RTEL1: variants seen among roughly 807,000 people sequenced by gnomAD.
The protein encoded by RTEL1 is regulator of telomere length.
Under a neutral mutation model 162.2 loss-of-function variants are expected in RTEL1, and 86 were observed. That is an observed-to-expected ratio of 0.53 (90% CI 0.45 to 0.63). RTEL1 has a LOEUF of 0.63. Among genes scored for constraint, RTEL1 ranks in the 30% least tolerant of loss-of-function variants. The probability of loss-of-function intolerance (pLI) is 0.00; values close to 1 mark genes in which losing one functional copy is unlikely to be tolerated. For synonymous variants in RTEL1, 958 were observed against 717.9 expected, an observed-to-expected ratio of 1.33 and a Z score of -5.35; for missense variants, 1,941 against 1,750.2, an observed-to-expected ratio of 1.11 and a Z score of -1.95.
Position 63,695,849 on chromosome 20 carries a change from G to A in RTEL1, c.3894G>A (p.Glu1298=), listed in dbSNP as rs1267242039. Residue 1298 remains glutamate (E), a synonymous_variant, in exon 35 of 35, where the codon GAG becomes GAA. Transcript: ENST00000360203. The stretch of plus-strand genomic sequence containing the variant: ...GCGTCATGCAGGTCTTCTGGCCAGA[G>A]CCCCAGTGAGTGCCCACGGAGGCCC... ...KQSVMQVFWP[E]PQ 6.3e-7 allele frequency: 1 copy of A among 1,589,788 alleles called. No individual in the cohort carries two copies. The highest frequency in any genetic ancestry group is 8.5e-7 in the Non-Finnish European group (1 of 1,169,718).
Position 63,690,808 on chromosome 20 carries a change from C to T in RTEL1, c.2417C>T (p.Ser806Leu). Residue 806 changes from serine (S) to leucine (L), a missense_variant, in exon 27 of 35, where the codon TCA (serine) becomes TTA (leucine). By Grantham distance (145) the Ser-to-Leu change is moderately radical. Transcript: ENST00000360203. ...VPSLKQRSSG[S>L]PAAGDPESSL... ...GCGCACTCGGGTGCCCCTGCAGGGT[C>T]ACCAGCTGCCGGGGACCCCGAGAGT... The T allele has an allele frequency of 6.2e-7, 1 of 1,602,746 alleles. No individual in the cohort carries two copies. Among genetic ancestry groups the T allele is most frequent in the Non-Finnish European group, 8.5e-7 (1 of 1,176,662 alleles).
intron 14 of RTEL1, among the ~76,000 whole-genome samples, chr20:63,684,976 C>T (rs2090558288): frequency 6.6e-6 from 1 of 151,488 alleles, no homozygotes; most frequent in South Asian, 2.1e-4. Flanking sequence ...CTCCTGGGCT[C>T]AGGGGATCCT....
chr20:63,658,812 T>C (rs2146139399), intron 1 of RTEL1: 1 of 157,640 alleles, frequency 6.3e-6, no homozygotes, highest in African/African-American at 2.4e-5. Flanking sequence ...TTCGCTACTT[T>C]GGCTGCATCT....
At position 63,661,224 on chromosome 20, in the gene RTEL1, CT is replaced by C. The variant is rs1386766780; in HGVS notation, c.103-72del. On this transcript the variant is annotated intron_variant, in intron 2 of 34. Coordinates refer to ENST00000360203, the MANE Select transcript of RTEL1 (RefSeq NM_001283009.2). This position sits in a 1 kb window ranked among gnomAD's most constrained non-coding sequence, Gnocchi z 5.1. Reference sequence around the variant, plus strand: ...AAGAGCTGCCCGCTGGCTGCCGAAGCTTGTCTCAGGGCAGCTTGTGTGGCCT... The same window carrying C: ...AAGAGCTGCCCGCTGGCTGCCGAAGCTGTCTCAGGGCAGCTTGTGTGGCCT... 2.8e-6 allele frequency: 4 copies of C among 1,423,062 alleles called. No homozygotes were observed. In the African/African-American group the frequency reaches 5.6e-5, roughly 20 times the overall value. 88.2% of individuals were successfully genotyped at this position (1,423,062 alleles called of 1,614,324 possible). A position where few individuals can be genotyped will look rare whatever the true frequency, so the allele number is the denominator to read the frequency against.
intron 6 of RTEL1, among the ~76,000 whole-genome samples, chr20:63,663,275 C>T: frequency 6.6e-6 from 1 of 152,212 alleles, no homozygotes; most frequent in East Asian, 1.9e-4. Flanking sequence ...CAGTGACCGG[C>T]CCTCATACCA....
Position 63,688,304 on chromosome 20 carries a change from A to G in RTEL1, c.1640A>G (p.Asn547Ser). Residue 547 changes from asparagine (N) to serine (S), a missense_variant, in exon 20 of 35, where the codon AAC (asparagine) becomes AGC (serine). Physicochemically the swap from Asn to Ser is conservative, Grantham distance 46. Coordinates refer to ENST00000360203, the MANE Select transcript of RTEL1 (RefSeq NM_001283009.2). ...ACCCCGGCCCCTGCACTTCCAGGCAACATCGCCCGCGTGGTGCCCTATGGG... is the reference window on the plus strand; with the variant it reads ...ACCCCGGCCCCTGCACTTCCAGGCAGCATCGCCCGCGTGGTGCCCTATGGG... ...CLSSLGKALG[N>S]IARVVPYGLL... is the part of the protein sequence containing the mutation. 1 of 1,612,242 alleles carries G rather than the reference A, an allele frequency of 6.2e-7. No individual in the cohort carries two copies. Among genetic ancestry groups the G allele is most frequent in the Non-Finnish European group, 8.5e-7 (1 of 1,179,920 alleles).
rs893203916 is a variant in RTEL1 at position 63,658,329 on chromosome 20, A to C, written c.-308A>C. On this transcript the variant is annotated 5_prime_UTR_variant, in exon 1 of 35. Transcript: ENST00000360203. ...TGGGGGGCGGAAGTGCAGTGGGCTC[A>C]GCGCCGACTGCGCGCCTCTGCCCGC... The C allele has an allele frequency of 2.0e-5, 3 of 152,400 alleles. No individual in the cohort carries two copies. Among genetic ancestry groups the C allele is most frequent in the Admixed American group, 6.5e-5 (1 of 15,286 alleles). The allele number at this position is 152,400 out of a possible 1,614,324, so 9.4% of individuals were successfully genotyped here.
chr20:63,692,360 C>T (rs577249094), intron 28 of RTEL1: 26 of 227,608 alleles, frequency 1.1e-4, no homozygotes, highest in East Asian at 2.3e-4. Context: ...GTGCCTGGGC[C>T]GCCCCTGCCT....
At chr20:63,694,255 T>C (rs2090906698) in intron 30 of RTEL1, 117 bp from the exon 31 acceptor site, 1 of 878,774 alleles carries the variant, frequency 1.1e-6, no homozygotes, top group African/African-American at 1.6e-5. Context: ...GCCTGGGTTT[T>C]CCCGCCCTGG....
At position 63,690,080 on chromosome 20, in the gene RTEL1, C is replaced by G. The variant is rs879582201; in HGVS notation, c.2142-7C>G. ...GGCAGGGCAGCAGGGCTATGGCCAC[C>G]CCCCAGGTTCGCCTTTGCCGACGCA... On this transcript the variant is annotated splice_polypyrimidine_tract_variant and splice_region_variant and intron_variant, in intron 24 of 34. Transcript: ENST00000360203. 1.3e-5 allele frequency: 21 copies of G among 1,609,814 alleles called. No homozygotes were observed. The highest frequency in any genetic ancestry group is 1.8e-5 in the Non-Finnish European group (21 of 1,179,450).
At chr20:63,677,184 C>G (rs1172662865) in intron 10 of RTEL1, among the ~76,000 whole-genome samples, 1 of 152,238 alleles carries the variant, frequency 6.6e-6, no homozygotes, top group Non-Finnish European at 1.5e-5. Flanking sequence ...GCCCTGCTTT[C>G]TTTTCCTGCA....
At position 63,689,785 on chromosome 20, in the gene RTEL1, G is replaced by A. The variant is rs201842671; in HGVS notation, c.2061G>A (p.Ala687=). 4.3e-5 allele frequency: 70 copies of A among 1,612,170 alleles called. No homozygotes were observed. The East Asian group carries it at 4.7e-4, about 11-fold the overall frequency. ...GGCAGGAGTGGTACCGGCAGCAGGC[G>A]TCCAGGGCTGTGAACCAGGCCATCG... ...LSGQEWYRQQ[A]SRAVNQAIGR... is the part of the protein sequence containing the mutation. Residue 687 remains alanine (A), a synonymous_variant, in exon 24 of 35, where the codon GCG becomes GCA. Coordinates refer to ENST00000360203, the MANE Select transcript of RTEL1 (RefSeq NM_001283009.2).
Position 63,663,124 on chromosome 20 carries a change from C to T in RTEL1, c.538+235C>T, listed in dbSNP as rs2090053881. Reference sequence around the variant, plus strand: ...GACTGCCTCTGGCTGGTGCCTGGGGCCTTGGATTTTGGGAAGGCTCCCTCC... The same window carrying T: ...GACTGCCTCTGGCTGGTGCCTGGGGTCTTGGATTTTGGGAAGGCTCCCTCC... On this transcript the variant is annotated intron_variant, in intron 6 of 34. Transcript: ENST00000360203. 1.2e-5 allele frequency: 7 copies of T among 586,998 alleles called. No homozygotes were observed. The South Asian group carries it at 1.4e-4, about 12-fold the overall frequency. 36.4% of individuals were successfully genotyped at this position (586,998 alleles called of 1,614,324 possible). A position where few individuals can be genotyped will look rare whatever the true frequency, so the allele number is the denominator to read the frequency against.
chr20:63,678,755 C>T lies in RTEL1; in HGVS notation c.1037+409C>T, dbSNP rs1404520931. Among the ~76,000 whole-genome samples the T allele has an allele frequency of 1.5e-5, 2 of 132,500 alleles. 1 individual carries two copies. The highest frequency in any genetic ancestry group is 3.2e-5 in the Non-Finnish European group (2 of 63,112). The allele number at this position is 132,500 out of a possible 152,430, so 86.9% of individuals were successfully genotyped here. On this transcript the variant is annotated intron_variant, in intron 12 of 34. Transcript: ENST00000360203. ...CGGAACGGCACACACTCCCACGGAACGGCACACTCTCCCACGGAACAGCAC... is the reference window on the plus strand; with the variant it reads ...CGGAACGGCACACACTCCCACGGAATGGCACACTCTCCCACGGAACAGCAC...
At chr20:63,659,705 C>T (rs1377161324) in intron 2 of RTEL1, among the ~76,000 whole-genome samples, 1 of 152,190 alleles carries the variant, frequency 6.6e-6, no homozygotes, top group Non-Finnish European at 1.5e-5. Flanking sequence ...GGGGCCGGCC[C>T]CTCCACACCT....
chr20:63,684,565 G>T (rs2090549196), intron 14 of RTEL1, among the ~76,000 whole-genome samples: 1 of 152,030 alleles, frequency 6.6e-6, no homozygotes, highest in South Asian at 2.1e-4. Flanking sequence ...GTGTTAGCCA[G>T]GATGGTCTCG....
In RTEL1 at chr20:63,689,667, G is replaced by C; in HGVS notation, c.2025+19G>C. The C allele has an allele frequency of 6.2e-7, 1 of 1,609,410 alleles. No homozygotes were observed. Among genetic ancestry groups the C allele is most frequent in the Non-Finnish European group, 8.5e-7 (1 of 1,177,914 alleles). ...GGGCCAGGTGAGTTACAGCAGGGTG[G>C]GGCTGGGGTAAGGCGGTCTGGTGAC... On this transcript the variant is annotated intron_variant, in intron 23 of 34. Transcript: ENST00000360203.
intron 10 of RTEL1, among the ~76,000 whole-genome samples, chr20:63,676,778 C>CA (rs963306454): frequency 1.3e-5 from 2 of 152,098 alleles, no homozygotes; most frequent in Non-Finnish European, 2.9e-5. Flanking sequence ...ACTAAAAATA[C>CA]AAAAAAATTA....
chr20:63,693,516 A>ACCACCACCACCACCACCT lies in RTEL1; in HGVS notation c.2992+244_2992+245insACCACCTCCACCACCACC. ...CTCCACCTCCACCACCACCTCCTCC[A>ACCACCACCACCACCACCT]CCACCACCACCTCCACCACCACCAC... On this transcript the variant is annotated intron_variant, in intron 30 of 34. Coordinates refer to ENST00000360203, the MANE Select transcript of RTEL1 (RefSeq NM_001283009.2). Among the ~76,000 whole-genome samples the ACCACCACCACCACCACCT allele has an allele frequency of 1.3e-4, 2 of 14,858 alleles. 1 individual carries two copies. Among genetic ancestry groups the ACCACCACCACCACCACCT allele is most frequent in the South Asian group, 3.6e-3 (2 of 554 alleles). 9.7% of individuals were successfully genotyped at this position (14,858 alleles called of 152,430 possible).
Sources: allele counts gnomAD v4.1 joint callset (sites outside exome capture counted in the v4.1 genomes callset), GRCh38; gene constraint gnomAD v4.1.1; non-coding constraint Gnocchi (gnomAD v3.1); transcripts MANE v1.5; gene names NCBI Gene and HGNC (gene_info 2026-07-23, HGNC 2026-07-21).